TFDP2: variants seen among roughly 807,000 people sequenced by gnomAD.
The protein encoded by TFDP2 is transcription factor Dp-2 (E2F dimerization partner 2).
A neutral mutation model predicts 59.3 loss-of-function variants in TFDP2; 17 were observed. That is an observed-to-expected ratio of 0.29 (90% CI 0.20 to 0.43). The LOEUF (loss-of-function observed/expected upper bound fraction) is 0.43, where lower values mean the gene tolerates loss of function less well. TFDP2 is among the 20% of genes least tolerant of loss of function. The pLI is 1.00. For missense variants in TFDP2, 391 were observed against 528.8 expected (o/e 0.74, Z 2.56); for synonymous variants, 180 against 194.7 (o/e 0.92, Z 0.63).
At chr3:142,089,943 A>G (rs1197367117) in intron 3 of TFDP2, among the ~76,000 whole-genome samples, 1 of 152,180 alleles carries the variant, frequency 6.6e-6, no homozygotes, top group Non-Finnish European at 1.5e-5. Flanking sequence ...CTATTTTTCA[A>G]AAGTTTCTAT....
At chr3:141,979,619 C>G (rs961386242) in intron 6 of TFDP2, among the ~76,000 whole-genome samples, 1 of 152,074 alleles carries the variant, frequency 6.6e-6, no homozygotes, top group Non-Finnish European at 1.5e-5. Flanking sequence ...GAGAGAGTTT[C>G]GCTCTATCCC....
chr3:142,084,969 G>A lies in TFDP2; in HGVS notation c.82+8092C>T, dbSNP rs147950270. Among the ~76,000 whole-genome samples, 490 of 151,886 alleles carry A rather than the reference G, an allele frequency of 3.2e-3. 4 individuals are homozygous for A. Among genetic ancestry groups the A allele is most frequent in the African/African-American group, 0.011 (464 of 41,412 alleles). ...AGAGACTCGCTCTGTCGCCCAGGCC[G>A]GAGTGCAGTGGTGTGATCTCAGCTC... On this transcript the variant is annotated intron_variant, in intron 3 of 12. Coordinates refer to ENST00000489671, the MANE Select transcript of TFDP2 (RefSeq NM_001178139.2).
intron 9 of TFDP2, 108 bp from the exon 10 acceptor site, chr3:141,964,071 G>C: frequency 9.8e-7 from 1 of 1,025,306 alleles, no homozygotes; most frequent in Non-Finnish European, 1.4e-6. Context: ...AGTTTAAAGA[G>C]ACATCCCGCC....
chr3:142,107,448 G>C (rs1270597930), intron 1 of TFDP2, among the ~76,000 whole-genome samples: 2 of 151,830 alleles, frequency 1.3e-5, no homozygotes, highest in Admixed American at 1.3e-4. Flanking sequence ...TGGCCACGCT[G>C]GTCTTGAACT....
chr3:142,076,373 T>C (rs771658022), intron 3 of TFDP2, among the ~76,000 whole-genome samples: 1 of 152,180 alleles, frequency 6.6e-6, no homozygotes, highest in African/African-American at 2.4e-5. Context: ...AGAAATAAGA[T>C]AGAGACAATC....
At chr3:141,989,084 T>C (rs890136279) in intron 6 of TFDP2, 1 of 152,224 alleles carries the variant, frequency 6.6e-6, no homozygotes, top group Non-Finnish European at 1.5e-5. Flanking sequence ...TACAACTTTA[T>C]TTTATTGTTC....
chr3:142,069,386 A>G (rs2060170271), intron 3 of TFDP2, among the ~76,000 whole-genome samples: 1 of 152,244 alleles, frequency 6.6e-6, no homozygotes, highest in Non-Finnish European at 1.5e-5. Flanking sequence ...TACATATTAT[A>G]CTGTAAAGAT....
chr3:142,024,179 ATT>A (rs1245869730), intron 3 of TFDP2, among the ~76,000 whole-genome samples: 3 of 152,146 alleles, frequency 2.0e-5, no homozygotes, highest in Admixed American at 6.5e-5. Context: ...TGGTCTGTTC[ATT>A]TTTCTGTCAG....
chr3:142,038,324 C>A (rs1315033801), intron 3 of TFDP2, among the ~76,000 whole-genome samples: 2 of 135,056 alleles, frequency 1.5e-5, no homozygotes, highest in Non-Finnish European at 3.0e-5. Flanking sequence ...GCAGAGCTTG[C>A]AGTGAGGTGA....
chr3:141,955,767 A>G (rs950695868), intron 11 of TFDP2, among the ~76,000 whole-genome samples: 2 of 152,222 alleles, frequency 1.3e-5, no homozygotes, highest in African/African-American at 4.8e-5. Context: ...CTTACAAATA[A>G]AATAAACAAA....
chr3:141,960,773 C>T (rs1451376880), intron 10 of TFDP2, among the ~76,000 whole-genome samples: 1 of 152,088 alleles, frequency 6.6e-6, no homozygotes, highest in African/African-American at 2.4e-5. Flanking sequence ...GAAGTGGGTG[C>T]CTGCCACAGG....
intron 11 of TFDP2, among the ~76,000 whole-genome samples, chr3:141,957,154 T>C (rs1936789550): frequency 6.6e-6 from 1 of 151,412 alleles, no homozygotes; most frequent in Non-Finnish European, 1.5e-5. Context: ...CTGTCTCTAC[T>C]AAAAATACCA....
In TFDP2 at chr3:141,993,564, T is replaced by C; in HGVS notation, c.330A>G (p.Lys110=). 1 of 1,579,664 alleles carries C rather than the reference T, an allele frequency of 6.3e-7. No homozygotes were observed. The change falls in exon 6 of 13, where the codon AAA becomes AAG. Residue 110 remains lysine, a synonymous_variant. Transcript: ENST00000489671. ...TTTCTGAAAAATCAGAGTCTATAAA[T>C]TTTCTAGCCCGTTTTCTATCACTAA... ...WVPGDRKRAR[K]FIDSDFSESK...
intron 4 of TFDP2, among the ~76,000 whole-genome samples, chr3:142,002,894 G>C (rs1469517328): frequency 6.6e-6 from 1 of 152,062 alleles, no homozygotes; most frequent in Non-Finnish European, 1.5e-5. Flanking sequence ...GGAAGTCCAG[G>C]ATCAAGACAC....
rs902021140 is a variant in TFDP2, at chr3:142,067,623, C to T, written c.82+25438G>A. Among the ~76,000 whole-genome samples, 3 of 152,040 alleles carry T rather than the reference C, an allele frequency of 2.0e-5. No individual in the cohort carries two copies. The South Asian group carries it at 6.2e-4, about 32-fold the overall frequency. ...CTTTGTAGTTATCAAAAAACTGATT[C>T]TAAAATTTATATGACAAGGTAAAAG... On this transcript the variant is annotated intron_variant, in intron 3 of 12. Transcript: ENST00000489671.
chr3:141,967,952 A>T (rs1197405931), intron 9 of TFDP2, among the ~76,000 whole-genome samples: 2 of 152,032 alleles, frequency 1.3e-5, no homozygotes, highest in African/African-American at 2.4e-5. Context: ...ACAGGTTTTT[A>T]AAAATAACGT....
intron 3 of TFDP2, chr3:142,054,085 A>C (rs1381294394): frequency 6.6e-6 from 1 of 152,244 alleles, no homozygotes; most frequent in Non-Finnish European, 1.5e-5. Context: ...CATGTTTGGT[A>C]ATTGCTTATA....
At chr3:142,040,485 T>C (rs553878189) in intron 3 of TFDP2, among the ~76,000 whole-genome samples, 48 of 151,856 alleles carry the variant, frequency 3.2e-4, no homozygotes, top group Admixed American at 2.3e-3. Context: ...TGGAGTGCAA[T>C]AGCACAATCT....
intron 3 of TFDP2, among the ~76,000 whole-genome samples, chr3:142,017,549 T>C (rs1945228899): frequency 4.2e-4 from 2 of 4,816 alleles, no homozygotes; most frequent in South Asian, 0.015. Flanking sequence ...AAAAATATTC[T>C]TTTTTTTTTT....
Sources: gnomAD v4.1 joint callset for allele counts (sites outside exome capture counted in the v4.1 genomes callset) on GRCh38, gnomAD v4.1.1 for gene constraint, MANE v1.5 for transcripts, NCBI Gene and HGNC (gene_info 2026-07-23, HGNC 2026-07-21) for gene names.